COL4A3: variants seen among roughly 807,000 people sequenced by gnomAD.
COL4A3 encodes the protein collagen alpha-3(IV) chain.
In COL4A3, 135 loss-of-function variants were observed where a neutral mutation model predicts 217.4. The observed-to-expected ratio is 0.62, with a 90% confidence interval of 0.54 to 0.72. COL4A3 has a LOEUF of 0.72. COL4A3 is among the 30% of genes least tolerant of loss of function. The pLI is 0.00. For missense variants in COL4A3, 1,868 were observed against 2,119.9 expected (o/e 0.88, Z 2.33); for synonymous variants, 690 against 736.3 (o/e 0.94, Z 1.02).
In COL4A3 at chr2:227,183,115, G is replaced by A. The variant is rs1332207855; in HGVS notation, c.87+18302G>A. On this transcript the variant is annotated intron_variant, in intron 1 of 51. Transcript: ENST00000396578. Reference sequence around the variant, plus strand: ...AGTGGGCTGATCTATGTTGTTATAAGCTCTTTTTGGCCTCTAATTTTCCTG... The same window carrying A: ...AGTGGGCTGATCTATGTTGTTATAAACTCTTTTTGGCCTCTAATTTTCCTG... 3.9e-5 allele frequency among the ~76,000 whole-genome samples: 6 copies of A among 152,162 alleles called. No homozygotes were observed. In the East Asian group the frequency reaches 1.2e-3, roughly 29 times the overall value.
chr2:227,245,061 A>G (rs1231668697), intron 5 of COL4A3, 66 bp downstream of exon 5: 5 of 1,492,282 alleles, frequency 3.4e-6, no homozygotes, highest in Non-Finnish European at 3.7e-6. Context: ...AAAGATGTTA[A>G]AACAGTCGTG....
intron 1 of COL4A3, among the ~76,000 whole-genome samples, chr2:227,192,920 GAAATTAAA>G (rs2066300809): frequency 6.6e-6 from 1 of 152,102 alleles, no homozygotes; most frequent in African/African-American, 2.4e-5. Context: ...AAAAGAAAAT[GAAATTAAA>G]AGATATAAAA....
chr2:227,233,557 TA>T (rs1366097233), intron 1 of COL4A3, among the ~76,000 whole-genome samples: 1 of 152,210 alleles, frequency 6.6e-6, no homozygotes, highest in Non-Finnish European at 1.5e-5. Flanking sequence ...TTCAATTAAC[TA>T]ATAAGCTGGT....
At chr2:227,217,786 G>T (rs1221057430) in intron 1 of COL4A3, among the ~76,000 whole-genome samples, 1 of 152,002 alleles carries the variant, frequency 6.6e-6, no homozygotes, top group Non-Finnish European at 1.5e-5. Flanking sequence ...CAGAATTCTT[G>T]GTTACCATCA....
At chr2:227,204,380 CTA>C (rs1046258870) in intron 1 of COL4A3, among the ~76,000 whole-genome samples, 9 of 151,968 alleles carry the variant, frequency 5.9e-5, no homozygotes, top group African/African-American at 1.9e-4. Flanking sequence ...TTCTCTTTCT[CTA>C]TCTTATGTTC....
At chr2:227,183,248 G>A (rs1404968808) in intron 1 of COL4A3, among the ~76,000 whole-genome samples, 5 of 152,154 alleles carry the variant, frequency 3.3e-5, no homozygotes, top group Admixed American at 6.5e-5. Context: ...GGCCACCATA[G>A]CAAACCATGT....
chr2:227,186,992 A>C (rs1402435472), intron 1 of COL4A3, among the ~76,000 whole-genome samples: 1 of 152,154 alleles, frequency 6.6e-6, no homozygotes, highest in East Asian at 1.9e-4. Context: ...AAGGGCACTG[A>C]TCTGCTTCCT....
chr2:227,245,866 G>A (rs1164013119), intron 5 of COL4A3, 88 bp from the exon 6 acceptor site: 1 of 910,520 alleles, frequency 1.1e-6, no homozygotes, highest in Non-Finnish European at 1.9e-6. Context: ...TATATTTCAA[G>A]AGCTATTTAA....
At chr2:227,254,787 C>A in intron 15 of COL4A3, 72 bp downstream of exon 15, 3 of 1,075,760 alleles carry the variant, frequency 2.8e-6, no homozygotes, top group Non-Finnish European at 4.3e-6. Context: ...GTTACAGGAA[C>A]AAGATGCCCA....
chr2:227,218,203 A>T (rs1310267843), intron 1 of COL4A3, among the ~76,000 whole-genome samples: 1 of 151,534 alleles, frequency 6.6e-6, no homozygotes, highest in Non-Finnish European at 1.5e-5. Context: ...GCAGTGGCTC[A>T]CGCCTGTAAT....
rs1423193258 is a variant in COL4A3 at position 227,164,850 on chromosome 2, C to T, written c.87+37C>T. On this transcript the variant is annotated intron_variant, in intron 1 of 51. Transcript: ENST00000396578. This position sits in a 1 kb window ranked among gnomAD's most constrained non-coding sequence, Gnocchi z 4.8. Reference sequence around the variant, plus strand: ...CTGCGCGACCCCCACCCCCGCACTTCCATCCCTCCTCCACGCGTCCGGGGG... The same window carrying T: ...CTGCGCGACCCCCACCCCCGCACTTTCATCCCTCCTCCACGCGTCCGGGGG... 3.4e-6 allele frequency: 5 copies of T among 1,476,690 alleles called. No individual in the cohort carries two copies. The highest frequency in any genetic ancestry group is 4.5e-6 in the Non-Finnish European group (5 of 1,120,798). The allele number at this position is 1,476,690 out of a possible 1,614,324, so 91.5% of individuals were successfully genotyped here.
At chr2:227,260,836 A>G (rs1445574080) in intron 19 of COL4A3, among the ~76,000 whole-genome samples, 1 of 152,224 alleles carries the variant, frequency 6.6e-6, no homozygotes, top group Non-Finnish European at 1.5e-5. Context: ...GCTCTTAGTA[A>G]ATCTAGGCTG....
intron 17 of COL4A3, 36 bp downstream of exon 17, chr2:227,256,432 G>A (rs746553950): frequency 1.3e-6 from 2 of 1,570,776 alleles, no homozygotes; most frequent in African/African-American, 1.3e-5. Context: ...TTAATAGGTT[G>A]GGTTTTGCCT....
At chr2:227,251,970 G>A (rs1269398115) in intron 11 of COL4A3, among the ~76,000 whole-genome samples, 1 of 149,120 alleles carries the variant, frequency 6.7e-6, no homozygotes, top group African/African-American at 2.5e-5. Flanking sequence ...TCAGGGGGCT[G>A]AGGCAGGAAA....
chr2:227,255,098 C>T (rs1381867482), intron 15 of COL4A3, among the ~76,000 whole-genome samples: 1 of 152,240 alleles, frequency 6.6e-6, no homozygotes, highest in South Asian at 2.1e-4. Context: ...TCCCTGTGTC[C>T]ATTTATAAAA....
rs560036143 is a variant in COL4A3, at chr2:227,282,077, G to C, written c.2489-288G>C. 1.3e-5 allele frequency among the ~76,000 whole-genome samples: 2 copies of C among 152,200 alleles called. No individual in the cohort carries two copies. The highest frequency in any genetic ancestry group is 3.9e-4 in the East Asian group (2 of 5,174). On this transcript the variant is annotated intron_variant, in intron 31 of 51. Transcript: ENST00000396578. The surrounding 1 kb of genome is among the most constrained non-coding windows in gnomAD (Gnocchi z 4.4). The stretch of plus-strand genomic sequence containing the variant: ...ATTTGAGGTCAGGAGTTTGAGACCA[G>C]CCTGGCCAACATGGCAAAACCCCAT...
chr2:227,208,449 G>A (rs2067183654), intron 1 of COL4A3, among the ~76,000 whole-genome samples: 1 of 152,066 alleles, frequency 6.6e-6, no homozygotes, highest in Admixed American at 6.6e-5. Flanking sequence ...ACCCAGACCT[G>A]TAATCTGGTC....
chr2:227,240,304 C>T, intron 3 of COL4A3, 72 bp downstream of exon 3: 1 of 1,402,186 alleles, frequency 7.1e-7, no homozygotes, highest in Non-Finnish European at 9.9e-7. Flanking sequence ...CTGGCTGCTG[C>T]AAACCTGGAG....
intron 1 of COL4A3, among the ~76,000 whole-genome samples, chr2:227,235,303 A>G (rs764027749): frequency 6.6e-6 from 1 of 152,250 alleles, no homozygotes; most frequent in African/African-American, 2.4e-5. Flanking sequence ...AAACCCAGAA[A>G]GACAAGATTA....
Sources: allele counts gnomAD v4.1 joint callset (sites outside exome capture counted in the v4.1 genomes callset), GRCh38; gene constraint gnomAD v4.1.1; non-coding constraint Gnocchi (gnomAD v3.1); transcripts MANE v1.5; gene names NCBI Gene and HGNC (gene_info 2026-07-23, HGNC 2026-07-21).